MYO6: variants seen among roughly 807,000 people sequenced by gnomAD.
MYO6 encodes the protein myosin VI.
A neutral mutation model predicts 178.7 loss-of-function variants in MYO6; 74 were observed. The ratio of observed to expected loss-of-function variants is 0.41; its 90% CI spans 0.34 to 0.50. The LOEUF (loss-of-function observed/expected upper bound fraction) is 0.50, where lower values mean the gene tolerates loss of function less well. Among genes scored for constraint, MYO6 ranks in the 20% least tolerant of loss-of-function variants. The pLI is 0.09. For missense variants in MYO6, 1,330 were observed against 1,547.4 expected (o/e 0.86, Z 2.36); for synonymous variants, 477 against 504.6 (o/e 0.95, Z 0.73).
At chr6:75,767,821 A>G (rs1778571668) in intron 1 of MYO6, among the ~76,000 whole-genome samples, 1 of 152,076 alleles carries the variant, frequency 6.6e-6, no homozygotes, top group Non-Finnish European at 1.5e-5. Flanking sequence ...CTGGCCACAA[A>G]TTCTATTCTT....
At chr6:75,888,840 A>G (rs1202266500) in intron 25 of MYO6, among the ~76,000 whole-genome samples, 3 of 152,130 alleles carry the variant, frequency 2.0e-5, no homozygotes, top group African/African-American at 4.8e-5. Context: ...AGATACGATA[A>G]TGTAATTAAT....
chr6:75,754,691 C>G (rs1777199550), intron 1 of MYO6, among the ~76,000 whole-genome samples: 1 of 152,002 alleles, frequency 6.6e-6, no homozygotes, highest in African/African-American at 2.4e-5. Context: ...TGAACTGATT[C>G]CTCCCTGTGC....
At chr6:75,877,504 TG>T (rs1009538757) in intron 20 of MYO6, among the ~76,000 whole-genome samples, 5 of 152,062 alleles carry the variant, frequency 3.3e-5, no homozygotes, top group African/African-American at 1.2e-4. Context: ...TGAGCTCAAA[TG>T]ATCTGTTTGC....
At chr6:75,761,826 T>C (rs1489576665) in intron 1 of MYO6, among the ~76,000 whole-genome samples, 2 of 150,898 alleles carry the variant, frequency 1.3e-5, no homozygotes, top group Admixed American at 6.6e-5. Context: ...TCAGCATGAT[T>C]GAACAGTGAA....
intron 1 of MYO6, among the ~76,000 whole-genome samples, chr6:75,817,105 A>G (rs1404980538): frequency 6.6e-6 from 1 of 152,144 alleles, no homozygotes; most frequent in African/African-American, 2.4e-5. Flanking sequence ...GGAGATCGAG[A>G]CCATCCTGGC....
chr6:75,842,202 GCACACACACA>G (rs375234110), intron 9 of MYO6, among the ~76,000 whole-genome samples: 1 of 148,892 alleles, frequency 6.7e-6, no homozygotes, highest in East Asian at 2.0e-4. Flanking sequence ...ACACACACAT[GCACACACACA>G]CACACACACA....
intron 11 of MYO6, among the ~76,000 whole-genome samples, chr6:75,849,172 A>C (rs1196531556): frequency 6.6e-6 from 1 of 152,148 alleles, no homozygotes; most frequent in Admixed American, 6.5e-5. Context: ...TTGTAAGTAA[A>C]ATTTTATTGG....
chr6:75,898,488 C>G (rs1712975604), intron 30 of MYO6, 77 bp downstream of exon 30: 3 of 1,241,582 alleles, frequency 2.4e-6, no homozygotes, highest in Non-Finnish European at 3.6e-6. Context: ...TTATTTGGAC[C>G]AGAACCTGTT....
At chr6:75,889,999 A>G in intron 25 of MYO6, 58 bp from the exon 26 acceptor site, 2 of 1,219,850 alleles carry the variant, frequency 1.6e-6, no homozygotes, top group Admixed American at 1.7e-5. Flanking sequence ...GTATATTCAC[A>G]TTGTTGTGCA....
chr6:75,869,249 CTG>C (rs1201035072), intron 18 of MYO6, among the ~76,000 whole-genome samples: 2 of 152,010 alleles, frequency 1.3e-5, no homozygotes, highest in Non-Finnish European at 2.9e-5. Context: ...TGGGATACAA[CTG>C]TATTTCTTTA....
At chr6:75,863,212 G>T (rs1379503618) in intron 16 of MYO6, among the ~76,000 whole-genome samples, 2 of 152,146 alleles carry the variant, frequency 1.3e-5, no homozygotes, top group Admixed American at 6.5e-5. Flanking sequence ...ACTCGGAGTC[G>T]CAAGCAGCCA....
chr6:75,911,559 A>G, intron 32 of MYO6, 113 bp from the exon 33 acceptor site: 2 of 889,068 alleles, frequency 2.2e-6, no homozygotes, highest in Non-Finnish European at 3.7e-6. Context: ...TGTGGATAGG[A>G]TATTTACTTT....
At chr6:75,886,616 G>A (rs1045673020) in intron 24 of MYO6, among the ~76,000 whole-genome samples, 1 of 152,108 alleles carries the variant, frequency 6.6e-6, no homozygotes, top group Non-Finnish European at 1.5e-5. Flanking sequence ...TTTCCTCTGT[G>A]ATTTGAATTC....
At chr6:75,784,635 G>A (rs1767332077) in intron 1 of MYO6, among the ~76,000 whole-genome samples, 1 of 151,940 alleles carries the variant, frequency 6.6e-6, no homozygotes, top group Admixed American at 6.6e-5. Context: ...AAATTAGCTG[G>A]GTGTGGTGGC....
intron 7 of MYO6, 103 bp from the exon 8 acceptor site, chr6:75,840,482 A>AT (rs1194985818): frequency 1.9e-5 from 16 of 836,984 alleles, no homozygotes; most frequent in Non-Finnish European, 2.6e-5. Context: ...TTTTTAGAAC[A>AT]TTTTTTTCTA....
rs145805010 is a variant in MYO6, at chr6:75,847,628, A to G, written c.898-723A>G. 5.8e-4 allele frequency among the ~76,000 whole-genome samples: 88 copies of G among 152,176 alleles called. 2 individuals are homozygous for G. Among genetic ancestry groups the G allele is most frequent in the African/African-American group, 2.0e-3 (85 of 41,550 alleles). On this transcript the variant is annotated intron_variant, in intron 10 of 34. Coordinates refer to ENST00000369977, the MANE Select transcript of MYO6 (RefSeq NM_004999.4). ...CATTTTTTCTGAAATGTTTTAAGTC[A>G]TTGTGTAAATTATTAGAGTAAGTAT...
intron 1 of MYO6, among the ~76,000 whole-genome samples, chr6:75,776,649 G>A (rs1030819929): frequency 3.1e-4 from 38 of 122,758 alleles, no homozygotes; most frequent in Admixed American, 9.5e-5. Flanking sequence ...TTGTAGAAAC[G>A]TGCAGTGTGT....
chr6:75,784,126 C>T (rs1164554790), intron 1 of MYO6, among the ~76,000 whole-genome samples: 1 of 152,064 alleles, frequency 6.6e-6, no homozygotes, highest in Non-Finnish European at 1.5e-5. Context: ...CGCATGCCAC[C>T]ATGCCCGGCT....
intron 23 of MYO6, among the ~76,000 whole-genome samples, chr6:75,885,062 C>G (rs1375161670): frequency 6.6e-6 from 1 of 152,172 alleles, no homozygotes; most frequent in Non-Finnish European, 1.5e-5. Flanking sequence ...TAAGTTCTTT[C>G]CCAAGATTAG....
Sources: gnomAD v4.1 joint callset for allele counts (sites outside exome capture counted in the v4.1 genomes callset) on GRCh38, gnomAD v4.1.1 for gene constraint, MANE v1.5 for transcripts, NCBI Gene and HGNC (gene_info 2026-07-23, HGNC 2026-07-21) for gene names.